Variants in MYRFL observed in about 807,000 individuals in gnomAD.
MYRFL encodes the protein myelin regulatory factor-like protein.
MYRFL carries 88 observed loss-of-function variants against 109.4 expected under a neutral mutation model. That is an observed-to-expected ratio of 0.80 (90% CI 0.68 to 0.96). The LOEUF is 0.96. Among genes scored for constraint, MYRFL ranks in the 40% least tolerant of loss-of-function variants. The pLI is 0.00. For synonymous variants in MYRFL, 324 were observed against 320.9 expected, an observed-to-expected ratio of 1.01 and a Z score of -0.10; for missense variants, 957 against 954.9, an observed-to-expected ratio of 1.00 and a Z score of -0.03.
intron 19 of MYRFL, among the ~76,000 whole-genome samples, chr12:69,943,956 G>A (rs1209864980): frequency 1.3e-5 from 2 of 149,278 alleles, no homozygotes; most frequent in South Asian, 2.1e-4. Flanking sequence ...CTGGCCATCA[G>A]AGAAATGCAA....
In MYRFL at chr12:69,879,422, T is replaced by A; in HGVS notation, c.433T>A (p.Tyr145Asn). The A allele has an allele frequency of 1.4e-6, 1 of 702,804 alleles. No homozygotes were observed. The highest frequency in any genetic ancestry group is 2.7e-5 in the East Asian group (1 of 37,284). The allele number at this position is 702,804 out of a possible 1,614,324, so 43.5% of individuals were successfully genotyped here. A position where few individuals can be genotyped will look rare whatever the true frequency, so the allele number is the denominator to read the frequency against. ...VSSHLGIGCSYPQQPLCHSPG... is the reference protein window; with the variant it reads ...VSSHLGIGCSNPQQPLCHSPG... ...CTCCCATCTGGGGATAGGTTGTTCT[T>A]ACCCTCAGCAGCCTCTGTGTCACAG... Residue 145 changes from tyrosine to asparagine, a missense_variant, in exon 4 of 25, where the codon TAC becomes AAC. Coordinates refer to ENST00000552032, the MANE Select transcript of MYRFL (RefSeq NM_182530.3).
At chr12:69,852,220 A>C (rs1039777116) in intron 1 of MYRFL, among the ~76,000 whole-genome samples, 6 of 152,254 alleles carry the variant, frequency 3.9e-5, no homozygotes, top group African/African-American at 1.4e-4. Flanking sequence ...AGGCATCCTA[A>C]ATAATGTGTA....
Position 69,893,765 on chromosome 12 carries a change from T to G in MYRFL, c.905T>G (p.Val302Gly), listed in dbSNP as rs1016707536. ...TTTACTTTTTGTTGTTTCATACAGG[T>G]GGAAGCTACCAATCAAATAATTGCT... The part of the protein sequence containing the change: ...MFYLKVFGTK[V>G]EATNQIIAIE... Residue 302 changes from valine (V) to glycine (G), a missense_variant and splice_region_variant, in exon 8 of 25, where the codon GTG becomes GGG. By Grantham distance (109) the Val-to-Gly change is moderately radical. Transcript: ENST00000552032. The G allele has an allele frequency of 3.5e-6, 5 of 1,416,076 alleles. No individual in the cohort carries two copies. In the African/African-American group the frequency reaches 7.3e-5, roughly 21 times the overall value. 87.7% of individuals were successfully genotyped at this position (1,416,076 alleles called of 1,614,324 possible).
At chr12:69,947,889 C>T (rs548466214) in intron 19 of MYRFL, among the ~76,000 whole-genome samples, 1 of 152,170 alleles carries the variant, frequency 6.6e-6, no homozygotes, top group African/African-American at 2.4e-5. Flanking sequence ...CACAGTCTTA[C>T]AAGTAGTGCA....
At chr12:69,853,435 C>T (rs7957485) in intron 1 of MYRFL, among the ~76,000 whole-genome samples, 48,139 of 149,944 alleles carry the variant, frequency 0.32, 7,879 homozygotes, top group Admixed American at 0.38. Context: ...ACCTCCCAGA[C>T]GGGGTGGTGG....
At chr12:69,861,205 C>T (rs1295510840) in intron 2 of MYRFL, among the ~76,000 whole-genome samples, 1 of 151,852 alleles carries the variant, frequency 6.6e-6, no homozygotes, top group African/African-American at 2.4e-5. Context: ...CCGCAATAAA[C>T]ATACATGTGC....
At chr12:69,868,109 CT>C (rs146729804) in intron 2 of MYRFL, among the ~76,000 whole-genome samples, 16,280 of 135,322 alleles carry the variant, frequency 0.12, 739 homozygotes, top group Middle Eastern at 0.18. Flanking sequence ...TTTTTTTTTT[CT>C]TTTTTTTTTT....
chr12:69,840,381 C>G (rs557171759), intron 1 of MYRFL, among the ~76,000 whole-genome samples: 3 of 152,308 alleles, frequency 2.0e-5, no homozygotes, highest in Admixed American at 6.5e-5. Flanking sequence ...TCACCTGATT[C>G]TAGCATAATT....
rs781446093 is a variant in MYRFL, at chr12:69,934,137, AAAG to A, written c.1916+1543_1916+1545del. The stretch of plus-strand genomic sequence containing the variant: ...TGGAGAGTGGGAGAGGTAGGAGAAC[AAAG>A]AAGGGGAGACTGTGACACAGGACTT... On this transcript the variant is annotated intron_variant, in intron 16 of 24. Coordinates refer to ENST00000552032, the MANE Select transcript of MYRFL (RefSeq NM_182530.3). Among the ~76,000 whole-genome samples, 10 of 152,324 alleles carry A rather than the reference AAAG, an allele frequency of 6.6e-5. No homozygotes were observed. The East Asian group carries it at 1.7e-3, about 26-fold the overall frequency.
At chr12:69,944,489 A>T (rs7304660) in intron 19 of MYRFL, among the ~76,000 whole-genome samples, 37,914 of 141,336 alleles carry the variant, frequency 0.27, 5,253 homozygotes, top group East Asian at 0.47. Context: ...AACAATGAGA[A>T]CACATGGACA....
At position 69,932,501 on chromosome 12, in the gene MYRFL, AC is replaced by A. The variant is rs1226328355; in HGVS notation, c.1831-10del. On this transcript the variant is annotated splice_polypyrimidine_tract_variant and intron_variant, in intron 15 of 24. Transcript: ENST00000552032. ...CTAATTTATCACTGCTCATTACTGA[AC>A]CTTTTTATAGGTTTATTTTTCAGGA... 1.3e-6 allele frequency: 2 copies of A among 1,528,688 alleles called. No homozygotes were observed. The highest frequency in any genetic ancestry group is 1.8e-6 in the Non-Finnish European group (2 of 1,140,178). The allele number at this position is 1,528,688 out of a possible 1,614,324, so 94.7% of individuals were successfully genotyped here. A position where few individuals can be genotyped will look rare whatever the true frequency, so the allele number is the denominator to read the frequency against.
At chr12:69,949,465 C>G (rs1955918862) in intron 19 of MYRFL, among the ~76,000 whole-genome samples, 4 of 152,214 alleles carry the variant, frequency 2.6e-5, no homozygotes, top group Admixed American at 2.6e-4. Flanking sequence ...TCCCTGCAAG[C>G]CTGCTCTGGC....
chr12:69,914,723 A>G (rs1168623679), intron 13 of MYRFL, among the ~76,000 whole-genome samples: 2 of 152,150 alleles, frequency 1.3e-5, no homozygotes, highest in Non-Finnish European at 2.9e-5. Context: ...CTGGAGAGGT[A>G]GGGGGTAGCA....
chr12:69,904,393 C>T (rs1382200935), intron 11 of MYRFL: 4 of 152,348 alleles, frequency 2.6e-5, no homozygotes, highest in African/African-American at 7.2e-5. Context: ...GGGTGAAGAC[C>T]TTTTTCCTCC....
At chr12:69,923,730 G>T in intron 13 of MYRFL, among the ~76,000 whole-genome samples, 1 of 151,170 alleles carries the variant, frequency 6.6e-6, no homozygotes, top group Non-Finnish European at 1.5e-5. Context: ...TATCTCTCTG[G>T]GAATGGGCAG....
intron 19 of MYRFL, among the ~76,000 whole-genome samples, chr12:69,950,407 C>A (rs955893702): frequency 1.3e-5 from 2 of 152,124 alleles, no homozygotes; most frequent in Non-Finnish European, 2.9e-5. Flanking sequence ...TGAAACAGTC[C>A]ATCTCCTATC....
At chr12:69,921,769 C>A (rs191917226) in intron 13 of MYRFL, among the ~76,000 whole-genome samples, 1 of 152,220 alleles carries the variant, frequency 6.6e-6, no homozygotes, top group Admixed American at 6.5e-5. Flanking sequence ...ATGGTACTGG[C>A]AAATTTCAGT....
intron 1 of MYRFL, among the ~76,000 whole-genome samples, chr12:69,840,888 C>T (rs185115924): frequency 2.2e-4 from 33 of 152,328 alleles, no homozygotes; most frequent in African/African-American, 7.5e-4. Flanking sequence ...ACACAATGTG[C>T]TTGAACTATT....
chr12:69,940,629 C>T (rs1011392782), intron 19 of MYRFL, among the ~76,000 whole-genome samples: 45 of 152,078 alleles, frequency 3.0e-4, no homozygotes, highest in African/African-American at 7.7e-4. Context: ...CATCAACTAA[C>T]GAGCAAAATA....
Sources: gnomAD v4.1 joint callset for allele counts (sites outside exome capture counted in the v4.1 genomes callset) on GRCh38, gnomAD v4.1.1 for gene constraint, MANE v1.5 for transcripts, NCBI Gene and HGNC (gene_info 2026-07-23, HGNC 2026-07-21) for gene names.